The following IFI27L2 variants were observed in gnomAD, a reference collection of about 807,000 sequenced individuals.
IFI27L2 encodes interferon alpha-inducible protein 27-like protein 2.
In IFI27L2, 8 loss-of-function variants were observed where a neutral mutation model predicts 7.9. The observed-to-expected ratio is 1.02, with a 90% confidence interval of 0.60 to 1.84. IFI27L2 has a LOEUF of 1.84. Among genes scored for constraint, IFI27L2 ranks in the 40% most tolerant of loss-of-function variants. IFI27L2 has a pLI of 0.00. For synonymous variants in IFI27L2, 56 were observed against 66.5 expected, an observed-to-expected ratio of 0.84 and a Z score of 0.77; for missense variants, 190 against 165.8, an observed-to-expected ratio of 1.15 and a Z score of -0.80.
At chr14:94,128,320 C>T in intron 3 of IFI27L2, 194 bp downstream of exon 3, 1 of 612,232 alleles carries the variant, frequency 1.6e-6, no homozygotes, top group South Asian at 2.0e-5. Flanking sequence ...TTCTCCCTAC[C>T]CAGCACCCCA....
rs1887641623 is a variant in IFI27L2, at chr14:94,129,262, C to T, written c.37G>A (p.Ala13Thr). The T allele has an allele frequency of 6.2e-7, 1 of 1,612,768 alleles. No homozygotes were observed. The highest frequency in any genetic ancestry group is 8.5e-7 in the Non-Finnish European group (1 of 1,179,298). Residue 13 changes from alanine to threonine, a missense_variant and splice_region_variant, in exon 2 of 4, where the codon GCC becomes ACC. Physicochemically the swap from Ala to Thr is moderately conservative, Grantham distance 58. Coordinates refer to ENST00000238609, the MANE Select transcript of IFI27L2 (RefSeq NM_032036.3). ...KRAAAAAVGGALAVGAVPVVL... is the reference protein window; with the variant it reads ...KRAAAAAVGGTLAVGAVPVVL... ...GAGACAGGCGATCCGGGTAACTTAC[C>T]TCCTCCCACTGCAGCAGCAGCTGCC...
At chr14:94,129,466 G>A (rs1887645574) in intron 1 of IFI27L2, 92 bp downstream of exon 1, 2 of 1,298,232 alleles carry the variant, frequency 1.5e-6, no homozygotes, top group Non-Finnish European at 2.2e-6. Context: ...TGAAGTCAGG[G>A]AATGAAGCTA....
At position 94,129,422 on chromosome 14, in the gene IFI27L2, G is replaced by C. The variant is rs542689082; in HGVS notation, c.8-131C>G. On this transcript the variant is annotated intron_variant, in intron 1 of 3. Coordinates refer to ENST00000238609, the MANE Select transcript of IFI27L2 (RefSeq NM_032036.3). ...GAGGAAGGGAAGGGGAGGGAGGAAG[G>C]GAGGGAGAGGGAGTCAGTAGGTCAG... is the stretch of plus-strand genomic sequence containing the variant. 1.9e-5 allele frequency: 20 copies of C among 1,027,066 alleles called. No homozygotes were observed. The African/African-American group carries it at 2.8e-4, about 15-fold the overall frequency. 63.6% of individuals were successfully genotyped at this position (1,027,066 alleles called of 1,614,324 possible).
intron 2 of IFI27L2, chr14:94,128,932 A>G (rs1260313554): frequency 3.4e-6 from 2 of 584,076 alleles, no homozygotes; most frequent in African/African-American, 3.9e-5. Flanking sequence ...AATACCCTTC[A>G]TTGGTCTCAA....
At chr14:94,128,977 C>A in intron 2 of IFI27L2, 1 of 537,408 alleles carries the variant, frequency 1.9e-6, no homozygotes, top group Non-Finnish European at 3.2e-6. Flanking sequence ...GTGTGTGTGT[C>A]CACGCATAAA....
chr14:94,129,402 A>AGGGAAGGGGAGGG (rs1887644586), intron 1 of IFI27L2, 111 bp from the exon 2 acceptor site: 1 of 589,550 alleles, frequency 1.7e-6, no homozygotes, highest in Non-Finnish European at 3.0e-6. Context: ...GGAGGGAGGA[A>AGGGAAGGGGAGGG]GGGAAGGGGA....
intron 3 of IFI27L2, among the ~76,000 whole-genome samples, chr14:94,128,220 C>A (rs1426937800): frequency 6.6e-6 from 1 of 152,142 alleles, no homozygotes; most frequent in Non-Finnish European, 1.5e-5. Flanking sequence ...ACACAGGAGG[C>A]CACTGAGGCC....
chr14:94,129,368 G>T, intron 1 of IFI27L2, 77 bp from the exon 2 acceptor site: 1 of 1,154,434 alleles, frequency 8.7e-7, no homozygotes, highest in Non-Finnish European at 1.3e-6. Context: ...CAGAAAGGGA[G>T]GGAGGGGGAG....
intron 2 of IFI27L2, 175 bp downstream of exon 2, chr14:94,129,087 G>A: frequency 1.6e-6 from 1 of 612,566 alleles, no homozygotes. Context: ...GCTGGGTCAG[G>A]AATGGGAGTG....
chr14:94,129,366 G>A, intron 1 of IFI27L2, 75 bp from the exon 2 acceptor site: 1 of 1,059,756 alleles, frequency 9.4e-7, no homozygotes, highest in South Asian at 1.3e-5. Flanking sequence ...GGCAGAAAGG[G>A]AGGGAGGGGG....
At position 94,129,261 on chromosome 14, in the gene IFI27L2, C is replaced by T; in HGVS notation, c.37+1G>A. On this transcript the variant is annotated splice_donor_variant, in intron 2 of 3. Coordinates refer to ENST00000238609, the MANE Select transcript of IFI27L2 (RefSeq NM_032036.3). LOFTEE classifies it high-confidence loss of function. ...GGAGACAGGCGATCCGGGTAACTTA[C>T]CTCCTCCCACTGCAGCAGCAGCTGC... The T allele has an allele frequency of 1.2e-6, 2 of 1,612,764 alleles. No individual in the cohort carries two copies. The highest frequency in any genetic ancestry group is 1.7e-6 in the Non-Finnish European group (2 of 1,179,228).
In IFI27L2 at chr14:94,127,833, T is replaced by A; in HGVS notation, c.359A>T (p.Lys120Ile). ...ATGTTTCTCTGACTTGAGTGGGGGT[T>A]TTGGAGGTTCACCTTGGGGTACATT... ...RENVPQGEPP[K>I]PPLKSEKHEE Residue 120 changes from lysine to isoleucine, a missense_variant, in exon 4 of 4, where the codon AAA (lysine) becomes ATA (isoleucine). By Grantham distance (102) the Lys-to-Ile change is moderately radical (BLOSUM62 -3). Coordinates refer to ENST00000238609, the MANE Select transcript of IFI27L2 (RefSeq NM_032036.3). 6.2e-7 allele frequency: 1 copy of A among 1,614,122 alleles called. No individual in the cohort carries two copies. The highest frequency in any genetic ancestry group is 1.1e-5 in the South Asian group (1 of 91,078).
At chr14:94,128,795 A>G (rs1385202540) in intron 2 of IFI27L2, 120 bp from the exon 3 acceptor site, 1 of 776,856 alleles carries the variant, frequency 1.3e-6, no homozygotes, top group Admixed American at 2.7e-5. Flanking sequence ...CAATACAGAG[A>G]TGGCAACTTA....
intron 1 of IFI27L2, 25 bp from the exon 2 acceptor site, chr14:94,129,316 G>A: frequency 6.2e-7 from 1 of 1,605,900 alleles, no homozygotes; most frequent in Non-Finnish European, 8.5e-7. Flanking sequence ...CCAGGGGAAG[G>A]CAGAGGGAGA....
intron 3 of IFI27L2, 37 bp downstream of exon 3, chr14:94,128,474 ATCT>A (rs768145380): frequency 1.3e-6 from 2 of 1,598,464 alleles, no homozygotes; most frequent in Non-Finnish European, 1.7e-6. Flanking sequence ...TCAGGGCTGG[ATCT>A]TCTCGCAGCT....
In IFI27L2 at chr14:94,127,974, G is replaced by A; in HGVS notation, c.218C>T (p.Thr73Ile). 1 of 1,613,122 alleles carries A rather than the reference G, an allele frequency of 6.2e-7. No homozygotes were observed. Among genetic ancestry groups the A allele is most frequent in the Non-Finnish European group, 8.5e-7 (1 of 1,179,566 alleles). The change falls in exon 4 of 4, where the codon ACA (threonine) becomes ATA (isoleucine). Residue 73 changes from threonine (T) to isoleucine (I), a missense_variant. Coordinates refer to ENST00000238609, the MANE Select transcript of IFI27L2 (RefSeq NM_032036.3). The part of the protein sequence containing the change: ...LQSVGAAGLS[T>I]SSNILLASVG... ...AGAGGCCAGGAGGATGTTGGATGAT[G>A]TGGAGAGTCCAGCTGCCCCTGTGGA...
chr14:94,128,742 G>A (rs185057354), intron 2 of IFI27L2, 67 bp from the exon 3 acceptor site: 95 of 1,320,290 alleles, frequency 7.2e-5, no homozygotes, highest in Non-Finnish European at 8.9e-5. Flanking sequence ...CCCGCCCCCC[G>A]CTTAGGAATT....
chr14:94,127,959 A>T lies in IFI27L2; in HGVS notation c.233T>A (p.Leu78His). The change falls in exon 4 of 4, where the codon CTC becomes CAC. Residue 78 changes from leucine to histidine, a missense_variant. Leu to His is a moderately conservative substitution (Grantham distance 99). Transcript: ENST00000238609. ...AAGLSTSSNI[L>H]LASVGSVLGA... ...CAACACTGACCCAACAGAGGCCAGG[A>T]GGATGTTGGATGATGTGGAGAGTCC... The T allele has an allele frequency of 6.2e-7, 1 of 1,613,702 alleles. No individual in the cohort carries two copies. The highest frequency in any genetic ancestry group is 8.5e-7 in the Non-Finnish European group (1 of 1,179,862).
chr14:94,128,945 TTGTGTGTGTG>T (rs60745025), intron 2 of IFI27L2: 21 of 532,830 alleles, frequency 3.9e-5, no homozygotes, highest in South Asian at 8.1e-5. Context: ...GGTCTCAAAT[TTGTGTGTGTG>T]TGTGTGTGTG....
Sources: gnomAD v4.1 joint callset for allele counts (sites outside exome capture counted in the v4.1 genomes callset) on GRCh38, gnomAD v4.1.1 for gene constraint, MANE v1.5 for transcripts, NCBI Gene and HGNC (gene_info 2026-07-23, HGNC 2026-07-21) for gene names.